VBP1: variants seen among roughly 807,000 people sequenced by gnomAD.
VBP1 encodes the protein VHL binding protein 1.
Under a neutral mutation model 15.5 loss-of-function variants are expected in VBP1, and 4 were observed. The observed-to-expected ratio is 0.26, with a 90% CI of 0.13 to 0.59. The LOEUF (loss-of-function observed/expected upper bound fraction) is 0.59, where lower values mean the gene tolerates loss of function less well. Ranked by LOEUF, VBP1 falls within the 20% of genes least tolerant of loss-of-function variation. The pLI is 0.90. For synonymous variants in VBP1, 61 were observed against 52.1 expected (o/e 1.17, Z -0.74); for missense variants, 108 against 139.6 (o/e 0.77, Z 1.14).
In VBP1 at chrX:155,219,794, TA is replaced by T. The variant is rs782788031; in HGVS notation, c.94-387del. Among the ~76,000 whole-genome samples the T allele has an allele frequency of 5.4e-5, 6 of 111,160 alleles. No individual in the cohort carries two copies. The East Asian group carries it at 1.1e-3, about 21-fold the overall frequency. On this transcript the variant is annotated intron_variant, in intron 1 of 5. Transcript: ENST00000286428. ...TATATGTACCATCTGAAATTGTCTC[TA>T]ACTTTTTATAACTACAGGTTGAGCA...
chrX:155,214,989 G>C (rs1249759361), upstream of VBP1, among the ~76,000 whole-genome samples: 2 of 110,388 alleles, frequency 1.8e-5, no homozygotes, highest in Non-Finnish European at 3.8e-5. Flanking sequence ...AGCTGATAAG[G>C]CTTTTGGCTC....
At chrX:155,214,390 TTTA>T (rs1404502504), upstream of VBP1, among the ~76,000 whole-genome samples, 1 of 112,257 alleles carries the variant, frequency 8.9e-6, no homozygotes, top group Non-Finnish European at 1.9e-5. Context: ...TATTGTATAT[TTTA>T]TTATCACTTA....
chrX:155,226,472 G>T (rs1430391315), intron 2 of VBP1, among the ~76,000 whole-genome samples: 1 of 111,533 alleles, frequency 9.0e-6, no homozygotes, highest in Non-Finnish European at 1.9e-5. Flanking sequence ...AAGAACGATC[G>T]TTACCTCATT....
chrX:155,223,427 G>C (rs1556364869), intron 2 of VBP1, among the ~76,000 whole-genome samples: 1 of 109,788 alleles, frequency 9.1e-6, no homozygotes, highest in Non-Finnish European at 1.9e-5. Context: ...CTTCAAGCAT[G>C]TGTTTAACAA....
chrX:155,211,721 T>C (rs1296075718), upstream of VBP1, among the ~76,000 whole-genome samples: 2 of 112,340 alleles, frequency 1.8e-5, no homozygotes, highest in African/African-American at 3.2e-5. Context: ...TATCTGTATA[T>C]GTGAAGAATA....
upstream of VBP1, chrX:155,216,225 A>G: frequency 2.1e-6 from 1 of 475,037 alleles, no homozygotes; most frequent in East Asian, 4.4e-5. Context: ...TCCCAGGAGG[A>G]CGTATGGGTT....
chrX:155,224,974 G>C (rs1436572739), intron 2 of VBP1, among the ~76,000 whole-genome samples: 1 of 111,410 alleles, frequency 9.0e-6, no homozygotes, highest in African/African-American at 3.3e-5. Context: ...GATTTTTATA[G>C]CTGGTAGTTC....
intron 1 of VBP1, among the ~76,000 whole-genome samples, chrX:155,206,771 C>T (rs1452508171): frequency 1.8e-5 from 2 of 111,039 alleles, no homozygotes; most frequent in African/African-American, 6.6e-5. Flanking sequence ...AGGAAACACT[C>T]TCCCTTCCTA....
chrX:155,208,997 T>G lies in VBP1; in HGVS notation c.78+16T>G, dbSNP rs1039477765. On this transcript the variant is annotated intron_variant, in intron 2 of 6. Coordinates refer to the VBP1 transcript ENST00000535916. ...AGAGCATCAGGTACGTTTGGGCTGT[T>G]GTTGCTAAGGGCCTTGGCAGAGATA... The G allele has an allele frequency of 7.8e-6, 9 of 1,147,589 alleles. No individual in the cohort carries two copies. The East Asian group carries it at 2.6e-4, about 33-fold the overall frequency. 94.6% of individuals were successfully genotyped at this position (1,147,589 alleles called of 1,213,427 possible). A position where few individuals can be genotyped will look rare whatever the true frequency, so the allele number is the denominator to read the frequency against.
chrX:155,216,917 G>C (rs2074667827), intron 1 of VBP1, among the ~76,000 whole-genome samples: 1 of 112,377 alleles, frequency 8.9e-6, no homozygotes, highest in South Asian at 3.7e-4. Flanking sequence ...GGGAGGTGGT[G>C]AGGAGCTCTC....
Position 155,238,828 on chromosome X carries a change from A to G in VBP1, c.580A>G (p.Lys194Glu), listed in dbSNP as rs782694083. The change falls in exon 6 of 6, where the codon AAG becomes GAG. Residue 194 changes from lysine (K) to glutamate (E), a missense_variant. Transcript: ENST00000286428. Reference sequence around the variant, plus strand: ...AAGAAGAAACAAGGATGACTCTACCAAGAACAAAGCATAATGCTGGCAATT... The same window carrying G: ...AAGAAGAAACAAGGATGACTCTACCGAGAACAAAGCATAATGCTGGCAATT... ...VKRRNKDDSTKNKA is the reference protein window; with the variant it reads ...VKRRNKDDSTENKA The G allele has an allele frequency of 2.5e-6, 3 of 1,204,962 alleles. No homozygotes were observed. In the Admixed American group the frequency reaches 6.7e-5, roughly 27 times the overall value.
At position 155,236,167 on chromosome X, in the gene VBP1, TTACTC is replaced by T. The variant is rs782386045; in HGVS notation, c.385-59_385-55del. The stretch of plus-strand genomic sequence containing the variant: ...CTGAGGGCTGTAGTTTGCCCACACT[TTACTC>T]TAACCTATAAAGCTCTGTGTAAATA... On this transcript the variant is annotated intron_variant, in intron 4 of 5. Coordinates refer to ENST00000286428, the MANE Select transcript of VBP1 (RefSeq NM_003372.7). The T allele has an allele frequency of 1.2e-3, 1,358 of 1,130,845 alleles. 2 individuals are homozygous for T. The highest frequency in any genetic ancestry group is 1.4e-3 in the Non-Finnish European group (1,223 of 849,892). The allele number at this position is 1,130,845 out of a possible 1,213,427, so 93.2% of individuals were successfully genotyped here. A position where few individuals can be genotyped will look rare whatever the true frequency, so the allele number is the denominator to read the frequency against.
intron 2 of VBP1, among the ~76,000 whole-genome samples, chrX:155,224,037 G>A (rs2074706241): frequency 9.3e-6 from 1 of 107,761 alleles, no homozygotes; most frequent in Non-Finnish European, 1.9e-5. Context: ...CCACATCTCA[G>A]AGGATGGGCG....
At chrX:155,202,178 A>G (rs1385898322) in intron 1 of VBP1, among the ~76,000 whole-genome samples, 1 of 111,983 alleles carries the variant, frequency 8.9e-6, no homozygotes, top group African/African-American at 3.2e-5. Flanking sequence ...GAAAATGGCC[A>G]TACTGCCCAA....
intron 1 of VBP1, among the ~76,000 whole-genome samples, chrX:155,201,264 A>C (rs782820578): frequency 1.1e-3 from 119 of 106,463 alleles, no homozygotes; most frequent in Non-Finnish European, 1.9e-3. Context: ...ATTTTATGAG[A>C]CCAGCATCAT....
intron 1 of VBP1, among the ~76,000 whole-genome samples, chrX:155,199,084 G>C (rs782264136): frequency 1.8e-5 from 2 of 111,070 alleles, no homozygotes; most frequent in Non-Finnish European, 3.8e-5. Flanking sequence ...AATGAACAAG[G>C]CCTCCAAGAA....
chrX:155,234,779 G>A (rs1465490154), intron 4 of VBP1, among the ~76,000 whole-genome samples: 2 of 112,136 alleles, frequency 1.8e-5, no homozygotes, highest in Non-Finnish European at 3.8e-5. Flanking sequence ...CGTCTGATAA[G>A]TAGATTGCCT....
At chrX:155,238,579 G>C (rs1336824955) in intron 5 of VBP1, among the ~76,000 whole-genome samples, 193 bp from the exon 6 acceptor site, 2 of 111,980 alleles carry the variant, frequency 1.8e-5, no homozygotes, top group African/African-American at 6.5e-5. Context: ...CCTTAGTTTT[G>C]ATAGAGTTTA....
chrX:155,202,539 A>G (rs1265634982), intron 1 of VBP1, among the ~76,000 whole-genome samples: 1 of 110,007 alleles, frequency 9.1e-6, no homozygotes, highest in Non-Finnish European at 1.9e-5. Flanking sequence ...TGGTGCCGGG[A>G]AAACTGGCTA....
Sources: allele counts gnomAD v4.1 joint callset (sites outside exome capture counted in the v4.1 genomes callset), GRCh38; gene constraint gnomAD v4.1.1; transcripts MANE v1.5; gene names NCBI Gene and HGNC (gene_info 2026-07-23, HGNC 2026-07-21).